The following DYNC2H1 variants were observed in gnomAD, a reference collection of about 807,000 sequenced individuals.
DYNC2H1 encodes the protein cytoplasmic dynein 2 heavy chain 1.
A neutral mutation model predicts 570.0 loss-of-function variants in DYNC2H1; 410 were observed. The observed-to-expected ratio is 0.72, with a 90% CI of 0.66 to 0.78. The LOEUF (loss-of-function observed/expected upper bound fraction) is 0.78, where lower values mean the gene tolerates loss of function less well. Among genes scored for constraint, DYNC2H1 ranks in the 30% least tolerant of loss-of-function variants. The probability of loss-of-function intolerance (pLI) is 0.00; values close to 1 mark genes in which losing one functional copy is unlikely to be tolerated. For missense variants in DYNC2H1, 4,865 were observed against 5,046.4 expected (o/e 0.96, Z 1.09); for synonymous variants, 1,688 against 1,677.6 (o/e 1.01, Z -0.15).
At chr11:103,309,166 C>CTGTTTTTTTTTTTTTTTTTTT (rs1274431520) in intron 78 of DYNC2H1, among the ~76,000 whole-genome samples, 1 of 56,542 alleles carries the variant, frequency 1.8e-5, no homozygotes, top group Non-Finnish European at 4.0e-5. Context: ...TAACTGCATG[C>CTGTTTTTTTTTTTTTTTTTTT]TATTTTTTTT....
chr11:103,366,888 TAACTA>T (rs1327772674), intron 83 of DYNC2H1, among the ~76,000 whole-genome samples: 1 of 152,170 alleles, frequency 6.6e-6, no homozygotes, highest in Admixed American at 6.5e-5. Flanking sequence ...ATCCCTTTGA[TAACTA>T]AACAATTTAG....
At chr11:103,227,281 A>G (rs1221343837) in intron 59 of DYNC2H1, among the ~76,000 whole-genome samples, 1 of 150,570 alleles carries the variant, frequency 6.6e-6, no homozygotes, top group Non-Finnish European at 1.5e-5. Flanking sequence ...TAGATTGTCT[A>G]TTTATACTCT....
Position 103,186,344 on chromosome 11 carries a change from C to A in DYNC2H1, c.6736C>A (p.Pro2246Thr). 6.2e-7 allele frequency: 1 copy of A among 1,612,720 alleles called. No individual in the cohort carries two copies. The change falls in exon 42 of 89, where the codon CCA becomes ACA. Residue 2246 changes from proline (P) to threonine (T), a missense_variant. Physicochemically the swap from Pro to Thr is conservative, Grantham distance 38 (BLOSUM62 -1). Coordinates refer to ENST00000375735, the MANE Select transcript of DYNC2H1 (RefSeq NM_001377.3). The surrounding 1 kb of genome is among the most constrained non-coding windows in gnomAD (Gnocchi z 4.5). ...ATTAGCAACATATGTGCTTAAGAAG[C>A]CAGAAGACTTGACTGCTGATGATTT... The part of the protein sequence containing the change: ...GRLATYVLKK[P>T]EDLTADDFSN...
At chr11:103,149,821 G>C (rs556404342) in intron 20 of DYNC2H1, among the ~76,000 whole-genome samples, 1 of 152,018 alleles carries the variant, frequency 6.6e-6, no homozygotes, top group South Asian at 2.1e-4. Context: ...GAGAGAGAGA[G>C]AGAGGGAGGA....
chr11:103,166,116 C>T, intron 31 of DYNC2H1, 68 bp downstream of exon 31: 1 of 1,347,486 alleles, frequency 7.4e-7, no homozygotes, highest in South Asian at 1.7e-5. Flanking sequence ...CCTAATTTAC[C>T]TATTGTGTTT....
intron 83 of DYNC2H1, among the ~76,000 whole-genome samples, chr11:103,359,908 A>G (rs916861023): frequency 1.3e-5 from 2 of 151,842 alleles, no homozygotes; most frequent in East Asian, 2.0e-4. Flanking sequence ...CAGGTGGTCC[A>G]CCTGCCTCAG....
At position 103,261,749 on chromosome 11, in the gene DYNC2H1, G is replaced by A. The variant is rs1413568030; in HGVS notation, c.10695+1772G>A. 1.3e-5 allele frequency among the ~76,000 whole-genome samples: 2 copies of A among 152,178 alleles called. No individual in the cohort carries two copies. Among genetic ancestry groups the A allele is most frequent in the African/African-American group, 4.8e-5 (2 of 41,444 alleles). Reference sequence around the variant, plus strand: ...AATCCACGAAGATGAGGAAAAACCAGCGCAAAAAGACTGAAAATTCCAAAA... The same window carrying A: ...AATCCACGAAGATGAGGAAAAACCAACGCAAAAAGACTGAAAATTCCAAAA... On this transcript the variant is annotated intron_variant, in intron 70 of 88. Coordinates refer to ENST00000375735, the MANE Select transcript of DYNC2H1 (RefSeq NM_001377.3). This position sits in a 1 kb window ranked among gnomAD's most constrained non-coding sequence, Gnocchi z 4.8.
intron 83 of DYNC2H1, among the ~76,000 whole-genome samples, chr11:103,399,145 T>G (rs112385805): frequency 4.2e-4 from 60 of 141,580 alleles, no homozygotes; most frequent in Non-Finnish European, 8.1e-4. Flanking sequence ...ACCGTTTTTT[T>G]TTTGTTTTTT....
At chr11:103,342,756 G>C (rs59638556) in intron 82 of DYNC2H1, among the ~76,000 whole-genome samples, 6,349 of 151,868 alleles carry the variant, frequency 0.042, 272 homozygotes, top group African/African-American at 0.11. Context: ...CACCCGCCTT[G>C]GCCTCCCAAA....
In DYNC2H1 at chr11:103,277,750, T is replaced by C. The variant is rs536908245; in HGVS notation, c.10696-2598T>C. Among the ~76,000 whole-genome samples the C allele has an allele frequency of 6.6e-6, 1 of 152,280 alleles. No individual in the cohort carries two copies. The highest frequency in any genetic ancestry group is 2.1e-4 in the South Asian group (1 of 4,826). ...AGTGACATCATGATTAGTTCTGTTG[T>C]TTAGGGACTCCCTGTCAGTCCATTG... On this transcript the variant is annotated intron_variant, in intron 70 of 88. Coordinates refer to ENST00000375735, the MANE Select transcript of DYNC2H1 (RefSeq NM_001377.3). This position sits in a 1 kb window ranked among gnomAD's most constrained non-coding sequence, Gnocchi z 4.3.
intron 88 of DYNC2H1, among the ~76,000 whole-genome samples, chr11:103,476,797 T>A (rs538554246): frequency 1.2e-4 from 19 of 152,184 alleles, no homozygotes; most frequent in Non-Finnish European, 2.5e-4. Context: ...GAAAAGATAA[T>A]GTAAAGTTCA....
chr11:103,114,305 A>G (rs1858268089), intron 3 of DYNC2H1, 67 bp downstream of exon 3: 3 of 1,409,516 alleles, frequency 2.1e-6, no homozygotes, highest in Admixed American at 3.0e-5. Flanking sequence ...TAGTAAATGA[A>G]CATATTTCTT....
At chr11:103,130,044 C>T (rs912753683) in intron 13 of DYNC2H1, among the ~76,000 whole-genome samples, 2 of 152,110 alleles carry the variant, frequency 1.3e-5, no homozygotes, top group Non-Finnish European at 2.9e-5. Flanking sequence ...AAAACAGGTA[C>T]GAACTTCTAA....
chr11:103,293,964 C>A (rs1416013751), intron 75 of DYNC2H1, among the ~76,000 whole-genome samples: 1 of 152,038 alleles, frequency 6.6e-6, no homozygotes, highest in Non-Finnish European at 1.5e-5. Flanking sequence ...CTAATCCCAG[C>A]TACTTGGGAG....
chr11:103,390,086 T>A (rs1413041601), intron 83 of DYNC2H1, among the ~76,000 whole-genome samples: 1 of 152,168 alleles, frequency 6.6e-6, no homozygotes, highest in Non-Finnish European at 1.5e-5. Flanking sequence ...TGTCTAATGT[T>A]GACAGTGGGG....
intron 84 of DYNC2H1, 95 bp downstream of exon 84, chr11:103,399,967 A>G (rs1350355606): frequency 1.3e-5 from 13 of 1,009,706 alleles, no homozygotes; most frequent in Admixed American, 4.9e-5. Flanking sequence ...AGTTAATAGC[A>G]GAAGACCCGA....
chr11:103,240,261 T>C (rs1316707617), intron 63 of DYNC2H1, among the ~76,000 whole-genome samples: 1 of 152,138 alleles, frequency 6.6e-6, no homozygotes, highest in Non-Finnish European at 1.5e-5. Flanking sequence ...TTACCATTAT[T>C]AGAGTTTATG....
At chr11:103,370,223 T>A (rs1941091239) in intron 83 of DYNC2H1, among the ~76,000 whole-genome samples, 1 of 152,200 alleles carries the variant, frequency 6.6e-6, no homozygotes, top group Admixed American at 6.5e-5. Flanking sequence ...CGAGTGAGGC[T>A]CCTCTGCCTT....
chr11:103,228,463 G>A lies in DYNC2H1; in HGVS notation c.9354-2797G>A, dbSNP rs185674189. ...TGTAGTGATTGTTTTTGCGCTTCTG[G>A]GTCTAGCTACCCAGCAGAGCTACTG... On this transcript the variant is annotated intron_variant, in intron 59 of 88. Coordinates refer to ENST00000375735, the MANE Select transcript of DYNC2H1 (RefSeq NM_001377.3). The surrounding 1 kb of genome is among the most constrained non-coding windows in gnomAD (Gnocchi z 6.1). Among the ~76,000 whole-genome samples, 1 of 152,156 alleles carries A rather than the reference G, an allele frequency of 6.6e-6. No individual in the cohort carries two copies. Among genetic ancestry groups the A allele is most frequent in the African/African-American group, 2.4e-5 (1 of 41,526 alleles).
Sources: gnomAD v4.1 joint callset for allele counts (sites outside exome capture counted in the v4.1 genomes callset) on GRCh38, gnomAD v4.1.1 for gene constraint, Gnocchi (gnomAD v3.1) non-coding constraint, MANE v1.5 for transcripts, NCBI Gene and HGNC (gene_info 2026-07-23, HGNC 2026-07-21) for gene names.